The following LMNB1 variants were observed in gnomAD, a reference collection of about 807,000 sequenced individuals.
The protein encoded by LMNB1 is lamin B1, also known as lamin-B1.
LMNB1 carries 23 observed loss-of-function variants against 67.1 expected under a neutral mutation model. That is an observed-to-expected ratio of 0.34 (90% CI 0.25 to 0.49). The LOEUF (loss-of-function observed/expected upper bound fraction) is 0.49, where lower values mean the gene tolerates loss of function less well. LMNB1 is among the 20% of genes least tolerant of loss of function. The pLI is 0.99. For synonymous variants in LMNB1, 281 were observed against 282.9 expected (o/e 0.99, Z 0.07); for missense variants, 634 against 746.5 (o/e 0.85, Z 1.76).
Position 126,822,773 on chromosome 5 carries a change from G to A in LMNB1, c.1387-8G>A, listed in dbSNP as rs1458375709. 4.5e-6 allele frequency: 7 copies of A among 1,559,360 alleles called. No homozygotes were observed. The highest frequency in any genetic ancestry group is 6.2e-6 in the Non-Finnish European group (7 of 1,133,060). ...AGTAACACCCCTCACCCTCCTTTCTGTGTGTAGGATCAACCAATGGGAGGC... is the reference window on the plus strand; with the variant it reads ...AGTAACACCCCTCACCCTCCTTTCTATGTGTAGGATCAACCAATGGGAGGC... On this transcript the variant is annotated splice_polypyrimidine_tract_variant and splice_region_variant and intron_variant, in intron 7 of 10. Coordinates refer to ENST00000261366, the MANE Select transcript of LMNB1 (RefSeq NM_005573.4).
intron 4 of LMNB1, among the ~76,000 whole-genome samples, chr5:126,811,419 G>C (rs1751574984): frequency 6.6e-6 from 1 of 152,168 alleles, no homozygotes; most frequent in Non-Finnish European, 1.5e-5. Flanking sequence ...AGGGATATGT[G>C]ATGTTTCTTT....
intron 9 of LMNB1, among the ~76,000 whole-genome samples, chr5:126,829,914 A>T (rs1752090568): frequency 6.6e-6 from 1 of 152,160 alleles, no homozygotes; most frequent in Admixed American, 6.6e-5. Flanking sequence ...CTGGGTGGTT[A>T]AAAACAGCGA....
Position 126,787,546 on chromosome 5 carries a change from A to ATATATTTTTTTT in LMNB1, c.359+9680_359+9681insATATTTTTTTTT. ...GGGGTATATATATATATATATATAT[A>ATATATTTTTTTT]TTTTTTTTTTTTTTTTTTGAGATAG... On this transcript the variant is annotated intron_variant, in intron 1 of 10. Coordinates refer to ENST00000261366, the MANE Select transcript of LMNB1 (RefSeq NM_005573.4). 4.1e-3 allele frequency among the ~76,000 whole-genome samples: 270 copies of ATATATTTTTTTT among 65,540 alleles called. 3 individuals are homozygous for ATATATTTTTTTT. The highest frequency in any genetic ancestry group is 0.019 in the Middle Eastern group (1 of 54). The allele number at this position is 65,540 out of a possible 152,430, so 43.0% of individuals were successfully genotyped here. A position where few individuals can be genotyped will look rare whatever the true frequency, so the allele number is the denominator to read the frequency against.
At chr5:126,829,234 A>T (rs1752072088) in intron 9 of LMNB1, among the ~76,000 whole-genome samples, 1 of 152,036 alleles carries the variant, frequency 6.6e-6, no homozygotes, top group Non-Finnish European at 1.5e-5. Context: ...CATAATAAAA[A>T]ATTTAAATAG....
intron 8 of LMNB1, among the ~76,000 whole-genome samples, chr5:126,823,294 A>G (rs1326196411): frequency 1.3e-5 from 2 of 152,158 alleles, no homozygotes; most frequent in Non-Finnish European, 2.9e-5. Flanking sequence ...ACCCTTTGCT[A>G]TCTTTAGGGT....
In LMNB1 at chr5:126,824,388, C is replaced by CT. The variant is rs1054169278; in HGVS notation, c.1491+1513dup. On this transcript the variant is annotated intron_variant, in intron 8 of 10. Coordinates refer to ENST00000261366, the MANE Select transcript of LMNB1 (RefSeq NM_005573.4). ...CTAAAAAGTCAGATATTTTTACATT[C>CT]TTTTTTTTTTATGTTTAGCTAAGTC... Among the ~76,000 whole-genome samples the CT allele has an allele frequency of 3.7e-3, 546 of 148,924 alleles. 5 individuals are homozygous for CT. Among genetic ancestry groups the CT allele is most frequent in the African/African-American group, 0.012 (499 of 40,608 alleles).
rs188190795 is a variant in LMNB1, at chr5:126,829,017, G to T, written c.1611+2910G>T. Among the ~76,000 whole-genome samples, 35 of 151,958 alleles carry T rather than the reference G, an allele frequency of 2.3e-4. 1 individual carries two copies. The highest frequency in any genetic ancestry group is 1.5e-3 in the Admixed American group (23 of 15,274). On this transcript the variant is annotated intron_variant, in intron 9 of 10. Transcript: ENST00000261366. ...GGCATTTATTCATTTAATTCGATAA[G>T]ACCATATTTGTCAGTAGGGACCAGA...
At chr5:126,819,505 T>TA (rs1751809127) in intron 6 of LMNB1, among the ~76,000 whole-genome samples, 1 of 137,986 alleles carries the variant, frequency 7.2e-6, no homozygotes, top group African/African-American at 2.7e-5. Context: ...TTTATTTATT[T>TA]TTGAGACAGA....
At chr5:126,797,715 T>TATGTTCAG (rs1483261146) in intron 1 of LMNB1, among the ~76,000 whole-genome samples, 1 of 152,218 alleles carries the variant, frequency 6.6e-6, no homozygotes, top group South Asian at 2.1e-4. Flanking sequence ...ATGACAAGAA[T>TATGTTCAG]ATGTTCAGAA....
chr5:126,777,181 G>A lies in LMNB1; in HGVS notation c.-328G>A. 1 of 204,576 alleles carries A rather than the reference G, an allele frequency of 4.9e-6. No individual in the cohort carries two copies. The highest frequency in any genetic ancestry group is 9.7e-6 in the Non-Finnish European group (1 of 102,862). The allele number at this position is 204,576 out of a possible 1,614,324, so 12.7% of individuals were successfully genotyped here. On this transcript the variant is annotated 5_prime_UTR_variant, in exon 1 of 11. Coordinates refer to ENST00000261366, the MANE Select transcript of LMNB1 (RefSeq NM_005573.4). ...AAACAAAGTGCTGCGAGCAGGAGAC[G>A]GCGGCGGCGCGAACCCTGCTGGGCC...
chr5:126,776,763 G>C (rs956256351), upstream of LMNB1: 7 of 152,206 alleles, frequency 4.6e-5, no homozygotes, highest in South Asian at 2.1e-4. Flanking sequence ...GGAAACCTCC[G>C]GGCTCCTTCC....
At chr5:126,818,875 A>G (rs777408925) in intron 5 of LMNB1, 47 bp from the exon 6 acceptor site, 1 of 1,315,946 alleles carries the variant, frequency 7.6e-7, no homozygotes, top group Non-Finnish European at 1.1e-6. Flanking sequence ...CCTGGTGCTA[A>G]TGTTGGAATG....
chr5:126,809,348 G>A (rs1751529989), intron 3 of LMNB1, among the ~76,000 whole-genome samples: 1 of 152,140 alleles, frequency 6.6e-6, no homozygotes, highest in African/African-American at 2.4e-5. Flanking sequence ...GGCTTTTAAA[G>A]AAGTCATGTA....
At chr5:126,782,497 A>T (rs144028168) in intron 1 of LMNB1, among the ~76,000 whole-genome samples, 2 of 152,170 alleles carry the variant, frequency 1.3e-5, no homozygotes, top group Admixed American at 1.3e-4. Context: ...GTTAATAAAA[A>T]TTTTAGGTTT....
intron 1 of LMNB1, among the ~76,000 whole-genome samples, chr5:126,778,510 T>G (rs577617777): frequency 1.3e-5 from 2 of 152,290 alleles, no homozygotes; most frequent in South Asian, 4.2e-4. Context: ...GAGGCGGAGC[T>G]TGATCCGTGC....
chr5:126,812,891 C>T (rs527747477), intron 5 of LMNB1, among the ~76,000 whole-genome samples: 7 of 151,890 alleles, frequency 4.6e-5, no homozygotes, highest in East Asian at 1.9e-4. Flanking sequence ...CCACCACGCC[C>T]GGCTAATTTT....
chr5:126,778,453 C>T (rs987012494), intron 1 of LMNB1, among the ~76,000 whole-genome samples: 46 of 152,152 alleles, frequency 3.0e-4, no homozygotes, highest in African/African-American at 1.1e-3. Flanking sequence ...CAGTCTTGGC[C>T]CTGTGACGTT....
chr5:126,819,707 C>G (rs1342950702), intron 6 of LMNB1, among the ~76,000 whole-genome samples: 1 of 151,854 alleles, frequency 6.6e-6, no homozygotes, highest in African/African-American at 2.4e-5. Context: ...AGGCTGGTCT[C>G]AAACTCCTGA....
At position 126,831,037 on chromosome 5, in the gene LMNB1, C is replaced by T. The variant is rs527279944; in HGVS notation, c.1612-1657C>T. ...TCAAAATGGTCCATCTTCCTTGGTCCTGCAAGAGTAATAAAAAATCCCCAC... is the reference window on the plus strand; with the variant it reads ...TCAAAATGGTCCATCTTCCTTGGTCTTGCAAGAGTAATAAAAAATCCCCAC... On this transcript the variant is annotated intron_variant, in intron 9 of 10. Coordinates refer to ENST00000261366, the MANE Select transcript of LMNB1 (RefSeq NM_005573.4). Among the ~76,000 whole-genome samples, 175 of 152,300 alleles carry T rather than the reference C, an allele frequency of 1.1e-3. 1 individual carries two copies. Among genetic ancestry groups the T allele is most frequent in the African/African-American group, 4.1e-3 (170 of 41,556 alleles).
Sources: gnomAD v4.1 joint callset for allele counts (sites outside exome capture counted in the v4.1 genomes callset) on GRCh38, gnomAD v4.1.1 for gene constraint, MANE v1.5 for transcripts, NCBI Gene and HGNC (gene_info 2026-07-23, HGNC 2026-07-21) for gene names.